TUBA1C: variants seen among roughly 807,000 people sequenced by gnomAD.
The protein encoded by TUBA1C is tubulin alpha 1c.
Under a neutral mutation model 34.9 loss-of-function variants are expected in TUBA1C, and 16 were observed. That is an observed-to-expected ratio of 0.46 (90% CI 0.31 to 0.70). TUBA1C has a LOEUF of 0.70. Ranked by LOEUF, TUBA1C falls within the 30% of genes least tolerant of loss-of-function variation. The pLI is 0.05. For synonymous variants in TUBA1C, 177 were observed against 215.9 expected (o/e 0.82, Z 1.58); for missense variants, 329 against 587.3 (o/e 0.56, Z 4.55).
At chr12:49,237,292 A>G (rs1425057675) in intron 1 of TUBA1C, among the ~76,000 whole-genome samples, 1 of 151,566 alleles carries the variant, frequency 6.6e-6, no homozygotes, top group Non-Finnish European at 1.5e-5. Context: ...GGTGGCGCGT[A>G]CCTGTAATCC....
intron 1 of TUBA1C, among the ~76,000 whole-genome samples, chr12:49,246,070 A>ATTTTTTTTGT (rs1204692941): frequency 6.6e-6 from 1 of 151,608 alleles, no homozygotes; most frequent in East Asian, 2.0e-4. Context: ...ACGCCCACCT[A>ATTTTTTTTGT]ATTTTTGTAT....
chr12:49,237,782 G>A (rs1767945674), intron 1 of TUBA1C, among the ~76,000 whole-genome samples: 1 of 150,500 alleles, frequency 6.6e-6, no homozygotes, highest in Non-Finnish European at 1.5e-5. Flanking sequence ...GGGAGGCAGG[G>A]AGGAAGGAAA....
At chr12:49,229,859 C>T (rs1344197657) in intron 1 of TUBA1C, among the ~76,000 whole-genome samples, 1 of 152,080 alleles carries the variant, frequency 6.6e-6, no homozygotes, top group Non-Finnish European at 1.5e-5. Flanking sequence ...ACAGTATAGG[C>T]TTACTACAAC....
At chr12:49,238,173 C>T (rs1298135905) in intron 1 of TUBA1C, among the ~76,000 whole-genome samples, 16 of 151,524 alleles carry the variant, frequency 1.1e-4, no homozygotes, top group Admixed American at 9.9e-4. Flanking sequence ...ACTAGTAAGA[C>T]GAAGTTATTG....
chr12:49,230,702 A>G (rs1485930835), intron 1 of TUBA1C, among the ~76,000 whole-genome samples: 1 of 152,194 alleles, frequency 6.6e-6, no homozygotes, highest in African/African-American at 2.4e-5. Context: ...TTTGCTCTGA[A>G]GGACTATCCC....
chr12:49,264,940 C>G (rs1023590968), upstream of TUBA1C: 3 of 420,178 alleles, frequency 7.1e-6, no homozygotes, highest in Admixed American at 9.0e-5. Context: ...CGCCGCGCGC[C>G]CCCACTCCGC....
rs566119020 is a variant in TUBA1C at position 49,229,435 on chromosome 12, A to T, written c.213+1269A>T. 3.3e-5 allele frequency among the ~76,000 whole-genome samples: 5 copies of T among 152,316 alleles called. No individual in the cohort carries two copies. The East Asian group carries it at 7.7e-4, about 24-fold the overall frequency. ...TGATCCGCCCGCCTTGGCCTCCCAA[A>T]GTGCTGGCATTACAGGCGTGAGCCA... On this transcript the variant is annotated intron_variant, in intron 1 of 3. Transcript: ENST00000541364.
chr12:49,267,835 T>TA (rs1204992035), intron 1 of TUBA1C, among the ~76,000 whole-genome samples: 1 of 152,166 alleles, frequency 6.6e-6, no homozygotes, highest in African/African-American at 2.4e-5. Context: ...TTAGGGTTTT[T>TA]ATTATCTCTT....
chr12:49,266,815 C>G (rs1358476068), intron 1 of TUBA1C, among the ~76,000 whole-genome samples: 1 of 152,192 alleles, frequency 6.6e-6, no homozygotes, highest in Non-Finnish European at 1.5e-5. Context: ...CACCACTGCA[C>G]TCCAGCGAGA....
At chr12:49,227,992 G>A (rs1362917155) in exon 1 of TUBA1C, 1 of 1,535,680 alleles carries the variant, frequency 6.5e-7, no homozygotes, top group Non-Finnish European at 8.7e-7. Flanking sequence ...AGCTAGGGAG[G>A]GATGAGTGCT....
Position 49,272,384 on chromosome 12 carries a change from C to T in TUBA1C, c.507C>T (p.Phe169=). ...VDYGKKSKLE[F]SIYPAPQVST... ...ATGGCAAGAAGTCCAAGCTGGAGTTCTCCATTTACCCGGCGCCCCAGGTTT... is the reference window on the plus strand; with the variant it reads ...ATGGCAAGAAGTCCAAGCTGGAGTTTTCCATTTACCCGGCGCCCCAGGTTT... The change falls in exon 4 of 4, where the codon TTC becomes TTT. Residue 169 remains phenylalanine, a synonymous_variant. Coordinates refer to ENST00000301072, the MANE Select transcript of TUBA1C (RefSeq NM_032704.5). 1 of 1,614,136 alleles carries T rather than the reference C, an allele frequency of 6.2e-7. No homozygotes were observed. The highest frequency in any genetic ancestry group is 8.5e-7 in the Non-Finnish European group (1 of 1,180,046).
Position 49,269,859 on chromosome 12 carries a change from C to T in TUBA1C, c.258C>T (p.Leu86=), listed in dbSNP as rs765144633. ...DEVRTGTYRQ[L]FHPEQLITGK... ...TTCGCACTGGCACTTACCGCCAGCT[C>T]TTCCACCCTGAGCAACTCATCACAG... The change falls in exon 3 of 4, where the codon CTC becomes CTT. Residue 86 remains leucine, a synonymous_variant. Coordinates refer to ENST00000301072, the MANE Select transcript of TUBA1C (RefSeq NM_032704.5). 6.2e-7 allele frequency: 1 copy of T among 1,614,108 alleles called. No individual in the cohort carries two copies. Among genetic ancestry groups the T allele is most frequent in the Non-Finnish European group, 8.5e-7 (1 of 1,180,026 alleles).
chr12:49,262,121 A>C (rs117404465), upstream of TUBA1C, among the ~76,000 whole-genome samples: 5 of 152,076 alleles, frequency 3.3e-5, no homozygotes, highest in East Asian at 9.7e-4. Flanking sequence ...TGTCCATCCA[A>C]AGTTATATAT....
intron 1 of TUBA1C, among the ~76,000 whole-genome samples, chr12:49,238,647 T>A (rs146476763): frequency 1.3e-5 from 2 of 152,142 alleles, no homozygotes; most frequent in Non-Finnish European, 2.9e-5. Flanking sequence ...ACAAAAGATA[T>A]TCATTTTAAA....
intron 1 of TUBA1C, chr12:49,256,294 A>T: frequency 2.9e-6 from 1 of 346,396 alleles, no homozygotes. Context: ...ACTTTGGTTT[A>T]TTATCAGTCA....
chr12:49,268,328 A>G (rs765402006), intron 1 of TUBA1C, among the ~76,000 whole-genome samples: 2 of 151,566 alleles, frequency 1.3e-5, no homozygotes, highest in African/African-American at 4.9e-5. Flanking sequence ...TGAACTCCTG[A>G]CCTCAGATGA....
At chr12:49,252,566 C>T (rs1319032849) in intron 1 of TUBA1C, among the ~76,000 whole-genome samples, 1 of 152,156 alleles carries the variant, frequency 6.6e-6, no homozygotes, top group African/African-American at 2.4e-5. Context: ...GAAGATATTA[C>T]AAAAAGACTT....
At chr12:49,238,045 G>A (rs1308066679) in intron 1 of TUBA1C, among the ~76,000 whole-genome samples, 1 of 151,204 alleles carries the variant, frequency 6.6e-6, no homozygotes, top group Non-Finnish European at 1.5e-5. Flanking sequence ...GGAGGCAGAG[G>A]TTGCAGTGAG....
intron 1 of TUBA1C, among the ~76,000 whole-genome samples, chr12:49,237,312 G>C (rs563836211): frequency 6.6e-6 from 1 of 151,922 alleles, no homozygotes; most frequent in Non-Finnish European, 1.5e-5. Context: ...CCAGCTACTC[G>C]GGAGGCTGAG....
Sources: allele counts gnomAD v4.1 joint callset (sites outside exome capture counted in the v4.1 genomes callset), GRCh38; gene constraint gnomAD v4.1.1; transcripts MANE v1.5; gene names NCBI Gene and HGNC (gene_info 2026-07-23, HGNC 2026-07-21).